SYNJ2: variants seen among roughly 807,000 people sequenced by gnomAD.
SYNJ2 encodes the protein synaptojanin 2.
SYNJ2 carries 116 observed loss-of-function variants against 141.3 expected under a neutral mutation model. That is an observed-to-expected ratio of 0.82 (90% CI 0.71 to 0.96). The LOEUF (loss-of-function observed/expected upper bound fraction) is 0.96. Among genes scored for constraint, SYNJ2 ranks in the 40% least tolerant of loss-of-function variants. The pLI is 0.00. For synonymous variants in SYNJ2, 745 were observed against 777.7 expected, an observed-to-expected ratio of 0.96 and a Z score of 0.70; for missense variants, 1,873 against 1,934.8, an observed-to-expected ratio of 0.97 and a Z score of 0.60.
chr6:158,094,275 C>G (rs992809776), intron 26 of SYNJ2, among the ~76,000 whole-genome samples: 1 of 151,786 alleles, frequency 6.6e-6, no homozygotes, highest in East Asian at 1.9e-4. Flanking sequence ...TCCCAATAAA[C>G]CCATCGTAAG....
intron 4 of SYNJ2, among the ~76,000 whole-genome samples, chr6:158,039,645 T>G (rs761498814): frequency 6.6e-6 from 1 of 152,112 alleles, no homozygotes; most frequent in Non-Finnish European, 1.5e-5. Context: ...TCTGGAGACC[T>G]TTAACGTGCT....
chr6:158,071,453 A>G lies in SYNJ2; in HGVS notation c.1941-149A>G. The G allele has an allele frequency of 1.2e-6, 1 of 854,386 alleles. No homozygotes were observed. Among genetic ancestry groups the G allele is most frequent in the South Asian group, 1.8e-5 (1 of 55,922 alleles). 52.9% of individuals were successfully genotyped at this position (854,386 alleles called of 1,614,324 possible). A position where few individuals can be genotyped will look rare whatever the true frequency, so the allele number is the denominator to read the frequency against. On this transcript the variant is annotated intron_variant, in intron 14 of 26. Transcript: ENST00000355585. This position sits in a 1 kb window ranked among gnomAD's most constrained non-coding sequence, Gnocchi z 4.3. The stretch of plus-strand genomic sequence containing the variant: ...GCGGCCTCCTGACCAGGAGTCGATG[A>G]CGGCCACGGTGGCCACTGTGTTGAG...
In SYNJ2 at chr6:158,070,480, G is replaced by A; in HGVS notation, c.1940+807G>A. 1.0e-6 allele frequency: 1 copy of A among 985,540 alleles called. No homozygotes were observed. The highest frequency in any genetic ancestry group is 1.2e-6 in the Non-Finnish European group (1 of 830,058). 61.0% of individuals were successfully genotyped at this position (985,540 alleles called of 1,614,324 possible). A position where few individuals can be genotyped will look rare whatever the true frequency, so the allele number is the denominator to read the frequency against. Reference sequence around the variant, plus strand: ...TCTGCTTGTGTTATTTGGGCAGCTTGGCAGTGTCCTAGGTTAGCAGGTGAA... The same window carrying A: ...TCTGCTTGTGTTATTTGGGCAGCTTAGCAGTGTCCTAGGTTAGCAGGTGAA... On this transcript the variant is annotated intron_variant, in intron 14 of 26. Transcript: ENST00000355585. The surrounding 1 kb of genome is among the most constrained non-coding windows in gnomAD (Gnocchi z 4.0).
At chr6:158,048,645 C>G (rs1780385158) in intron 5 of SYNJ2, among the ~76,000 whole-genome samples, 1 of 152,188 alleles carries the variant, frequency 6.6e-6, no homozygotes, top group South Asian at 2.1e-4. Context: ...TTTGAAGACC[C>G]ATGGGTGACT....
chr6:158,079,667 T>C (rs1368448461), intron 18 of SYNJ2, among the ~76,000 whole-genome samples: 1 of 152,172 alleles, frequency 6.6e-6, no homozygotes, highest in Admixed American at 6.5e-5. Flanking sequence ...CCCAGACTCT[T>C]TAGATAATTC....
rs1290846392 is a variant in SYNJ2 at position 158,096,839 on chromosome 6, C to T, written c.*475C>T. 1.9e-5 allele frequency: 3 copies of T among 156,060 alleles called. No homozygotes were observed. Among genetic ancestry groups the T allele is most frequent in the Non-Finnish European group, 2.8e-5 (2 of 70,566 alleles). 9.7% of individuals were successfully genotyped at this position (156,060 alleles called of 1,614,324 possible). On this transcript the variant is annotated 3_prime_UTR_variant, in exon 27 of 27. Transcript: ENST00000355585. Reference sequence around the variant, plus strand: ...GGTCGTTGTGACCATTAGTAGCTGTCCTGGCCCACTTAAACAAGGTTACAA... The same window carrying T: ...GGTCGTTGTGACCATTAGTAGCTGTTCTGGCCCACTTAAACAAGGTTACAA...
intron 4 of SYNJ2, among the ~76,000 whole-genome samples, chr6:158,039,948 G>A (rs897413563): frequency 6.6e-6 from 1 of 152,174 alleles, no homozygotes; most frequent in African/African-American, 2.4e-5. Flanking sequence ...GCACACAGGC[G>A]GCTGTGCGGT....
At position 158,089,846 on chromosome 6, in the gene SYNJ2, C is replaced by T. The variant is rs888666033; in HGVS notation, c.3464C>T (p.Ala1155Val). ...LPGAPQQPPK[A>V]RTGISKPYNV... ...CCTCATTCTGTCCTCAAGCCCAAGG[C>T]TCGGACTGGAATAAGTAAACCTTAT... The change falls in exon 25 of 27, where the codon GCT becomes GTT. Residue 1155 changes from alanine (A) to valine (V), a missense_variant. Coordinates refer to ENST00000355585, the MANE Select transcript of SYNJ2 (RefSeq NM_003898.4). The T allele has an allele frequency of 7.4e-6, 12 of 1,613,540 alleles. 1 individual carries two copies. The East Asian group carries it at 2.5e-4, about 33-fold the overall frequency.
Position 158,066,578 on chromosome 6 carries a change from G to T in SYNJ2, c.1660G>T (p.Glu554Ter). The stretch of plus-strand genomic sequence containing the variant: ...CCGGAGCAACGTGCTCAGGACGGCG[G>T]AGCTGACAGACTGGCTGCTCGACTC... ...QFRSNVLRTA[E>*]LTDWLLDSPQ... is the part of the protein sequence containing the mutation. The change falls in exon 12 of 27, where the codon GAG becomes TAG. Residue 554 changes from glutamate to a stop codon, truncating the protein, a stop_gained. Coordinates refer to ENST00000355585, the MANE Select transcript of SYNJ2 (RefSeq NM_003898.4). LOFTEE classifies it high-confidence loss of function. 1 of 1,614,154 alleles carries T rather than the reference G, an allele frequency of 6.2e-7. No homozygotes were observed. The highest frequency in any genetic ancestry group is 8.5e-7 in the Non-Finnish European group (1 of 1,180,040).
chr6:158,045,480 C>T (rs935031643), intron 5 of SYNJ2, among the ~76,000 whole-genome samples: 11 of 152,138 alleles, frequency 7.2e-5, no homozygotes, highest in South Asian at 2.1e-4. Flanking sequence ...GGGATGGTTC[C>T]GACTCTTGGT....
rs1324103774 is a variant in SYNJ2 at position 157,981,873 on chromosome 6, C to G, written c.-89C>G. 6.1e-6 allele frequency: 7 copies of G among 1,141,054 alleles called. No individual in the cohort carries two copies. The highest frequency in any genetic ancestry group is 7.7e-6 in the Non-Finnish European group (7 of 908,446). The allele number at this position is 1,141,054 out of a possible 1,614,324, so 70.7% of individuals were successfully genotyped here. On this transcript the variant is annotated 5_prime_UTR_variant, in exon 1 of 27. Transcript: ENST00000355585. This position sits in a 1 kb window ranked among gnomAD's most constrained non-coding sequence, Gnocchi z 6.4. ...GCGGCGGCGCAAAGTGAAACTCTGG[C>G]AAGTTGCGGGCGCGCGGGGAGCTGT...
In SYNJ2 at chr6:158,078,250, G is replaced by T; in HGVS notation, c.2536G>T (p.Gly846Cys). ...TWSPGALQYYGRAELQASDHR... is the reference protein window; with the variant it reads ...TWSPGALQYYCRAELQASDHR... Reference sequence around the variant, plus strand: ...GTCTCCTGGTGCCCTGCAGTATTATGGTCGTGCGGAGCTACAAGCGTCTGA... The same window carrying T: ...GTCTCCTGGTGCCCTGCAGTATTATTGTCGTGCGGAGCTACAAGCGTCTGA... Residue 846 changes from glycine to cysteine, a missense_variant, in exon 18 of 27, where the codon GGT becomes TGT. Coordinates refer to ENST00000355585, the MANE Select transcript of SYNJ2 (RefSeq NM_003898.4). The T allele has an allele frequency of 3.1e-6, 5 of 1,613,904 alleles. No individual in the cohort carries two copies. The highest frequency in any genetic ancestry group is 2.5e-6 in the Non-Finnish European group (3 of 1,179,822).
chr6:158,048,434 G>A (rs1428554168), intron 5 of SYNJ2, among the ~76,000 whole-genome samples: 1 of 152,194 alleles, frequency 6.6e-6, no homozygotes, highest in Non-Finnish European at 1.5e-5. Context: ...AGAGATAGGA[G>A]AGGTGAGCAG....
In SYNJ2 at chr6:158,066,644, A is replaced by G; in HGVS notation, c.1717+9A>G. 6.2e-7 allele frequency: 1 copy of G among 1,612,572 alleles called. No individual in the cohort carries two copies. The highest frequency in any genetic ancestry group is 8.5e-7 in the Non-Finnish European group (1 of 1,179,820). On this transcript the variant is annotated intron_variant, in intron 12 of 26. Coordinates refer to ENST00000355585, the MANE Select transcript of SYNJ2 (RefSeq NM_003898.4). ...AGCTACCGACTCCCAGGGTGAGGGC[A>G]GTGACTTTGGGGGAGACAAAATCCA... is the stretch of plus-strand genomic sequence containing the variant.
intron 7 of SYNJ2, 81 bp from the exon 8 acceptor site, chr6:158,061,910 CG>C: frequency 7.1e-7 from 1 of 1,418,252 alleles, no homozygotes; most frequent in East Asian, 2.3e-5. Flanking sequence ...GTTAGCCGCA[CG>C]GGTCAAGCTC....
chr6:158,059,069 G>A (rs1231794081), intron 6 of SYNJ2, among the ~76,000 whole-genome samples, 188 bp from the exon 7 acceptor site: 1 of 152,250 alleles, frequency 6.6e-6, no homozygotes, highest in African/African-American at 2.4e-5. Flanking sequence ...AGTAATGGCA[G>A]CTGGGAGGTG....
intron 1 of SYNJ2, among the ~76,000 whole-genome samples, chr6:158,000,137 T>C (rs547388479): frequency 7.8e-6 from 1 of 128,842 alleles, no homozygotes; most frequent in South Asian, 2.6e-4. Flanking sequence ...CAGAAAACCA[T>C]TGGTAAAGTG....
intron 6 of SYNJ2, among the ~76,000 whole-genome samples, chr6:158,056,526 C>G (rs1178517199): frequency 6.6e-6 from 1 of 152,218 alleles, no homozygotes; most frequent in African/African-American, 2.4e-5. Flanking sequence ...TGCTGCTGCT[C>G]TCATGTTCAT....
chr6:158,064,148 G>T (rs1177537578), intron 9 of SYNJ2, among the ~76,000 whole-genome samples: 1 of 152,254 alleles, frequency 6.6e-6, no homozygotes, highest in Non-Finnish European at 1.5e-5. Flanking sequence ...GCGGTTGTGT[G>T]TAATGATTAT....
Sources: gnomAD v4.1 joint callset for allele counts (sites outside exome capture counted in the v4.1 genomes callset) on GRCh38, gnomAD v4.1.1 for gene constraint, Gnocchi (gnomAD v3.1) non-coding constraint, MANE v1.5 for transcripts, NCBI Gene and HGNC (gene_info 2026-07-23, HGNC 2026-07-21) for gene names.